Variants in MFGE8 observed in about 807,000 individuals in gnomAD.
MFGE8 encodes the protein milk fat globule EGF and factor V/VIII domain containing.
MFGE8 carries 34 observed loss-of-function variants against 42.6 expected under a neutral mutation model. The ratio of observed to expected loss-of-function variants is 0.80; its 90% CI spans 0.61 to 1.06. MFGE8 has a LOEUF of 1.06. Among genes scored for constraint, MFGE8 ranks in the 50% least tolerant of loss-of-function variants. The pLI is 0.00. For synonymous variants in MFGE8, 230 were observed against 214.8 expected (o/e 1.07, Z -0.62); for missense variants, 510 against 516.9 (o/e 0.99, Z 0.13).
At chr15:88,909,975 C>A (rs1898884024) in intron 1 of MFGE8, 52 bp from the exon 2 acceptor site, 10 of 1,611,348 alleles carry the variant, frequency 6.2e-6, no homozygotes, top group Non-Finnish European at 8.5e-6. Context: ...GAGCTGGGGA[C>A]ACAGGTGAGA....
rs1413384935 is a variant in MFGE8 at position 88,902,794 on chromosome 15, C to G, written c.686-1059G>C. ...GGAAGAATCCTCACTCCACAAGTGTCTATCCCTCTGGGGAATTGAGGGAGG... is the reference window on the plus strand; with the variant it reads ...GGAAGAATCCTCACTCCACAAGTGTGTATCCCTCTGGGGAATTGAGGGAGG... On this transcript the variant is annotated intron_variant, in intron 5 of 7. Transcript: ENST00000268150. The surrounding 1 kb of genome is among the most constrained non-coding windows in gnomAD (Gnocchi z 4.3). 1 of 152,250 alleles carries G rather than the reference C, an allele frequency of 6.6e-6. No individual in the cohort carries two copies. Among genetic ancestry groups the G allele is most frequent in the Admixed American group, 6.5e-5 (1 of 15,282 alleles). 9.4% of individuals were successfully genotyped at this position (152,250 alleles called of 1,614,324 possible).
intron 5 of MFGE8, 159 bp from the exon 6 acceptor site, chr15:88,901,894 G>A (rs145017924): frequency 2.8e-6 from 2 of 721,028 alleles, no homozygotes; most frequent in East Asian, 2.7e-5. Context: ...AGGGCCAACT[G>A]TGCGACCTTC....
chr15:88,909,831 T>C lies in MFGE8; in HGVS notation c.166A>G (p.Thr56Ala), dbSNP rs758960666. 1.7e-5 allele frequency: 27 copies of C among 1,614,112 alleles called. No homozygotes were observed. Among genetic ancestry groups the C allele is most frequent in the Admixed American group, 3.3e-5 (2 of 60,012 alleles). ...TTGCCCGCGTAGCCCTTAAGGCACG[T>C]GCAGGTGTACGAGGGGAAGACATCT... ...RGDVFPSYTC[T>A]CLKGYAGNHC... The change falls in exon 2 of 8, where the codon ACG becomes GCG. Residue 56 changes from threonine to alanine, a missense_variant. Thr to Ala is a moderately conservative substitution (Grantham distance 58, BLOSUM62 0). Coordinates refer to ENST00000268150, the MANE Select transcript of MFGE8 (RefSeq NM_005928.4).
Position 88,907,358 on chromosome 15 carries a change from C to A in MFGE8, c.224G>T (p.Gly75Val). The change falls in exon 3 of 8, where the codon GGC (glycine) becomes GTC (valine). Residue 75 changes from glycine to valine, a missense_variant. By Grantham distance (109) the Gly-to-Val change is moderately radical. Coordinates refer to ENST00000268150, the MANE Select transcript of MFGE8 (RefSeq NM_005928.4). ...GTTGGCAATGTTCCCATTCTCCAGG[C>A]CCAGTGGCTCGACACATTCTGAGGG... ...HCETKCVEPLGLENGNIANSQ... is the reference protein window; with the variant it reads ...HCETKCVEPLVLENGNIANSQ... 1 of 1,614,152 alleles carries A rather than the reference C, an allele frequency of 6.2e-7. No individual in the cohort carries two copies. The highest frequency in any genetic ancestry group is 1.1e-5 in the South Asian group (1 of 91,076).
In MFGE8 at chr15:88,901,604, C is replaced by G. The variant is rs141275837; in HGVS notation, c.817G>C (p.Gly273Arg). 6 of 1,613,808 alleles carry G rather than the reference C, an allele frequency of 3.7e-6. No homozygotes were observed. In the African/African-American group the frequency reaches 8.0e-5, roughly 22 times the overall value. Residue 273 changes from glycine to arginine, a missense_variant, in exon 6 of 8, where the codon GGC (glycine) becomes CGC (arginine). Physicochemically the swap from Gly to Arg is moderately radical, Grantham distance 125. Coordinates refer to ENST00000268150, the MANE Select transcript of MFGE8 (RefSeq NM_005928.4). ...CCCGCAACCCAGGCGTTGAAGTTGC[C>G]CTGCTTGTCCAGCCGTGCATAGGAG... is the stretch of plus-strand genomic sequence containing the variant. ...NPSYARLDKQ[G>R]NFNAWVAGSY...
At chr15:88,910,991 G>A (rs1446089747) in intron 1 of MFGE8, 2 of 152,222 alleles carry the variant, frequency 1.3e-5, no homozygotes, top group Non-Finnish European at 2.9e-5. Context: ...ATTGCGGGAT[G>A]AAGAAGGCTG....
chr15:88,913,312 C>T lies in MFGE8; in HGVS notation c.8G>A (p.Arg3His), dbSNP rs1389779045. MP[R>H]PRLLAALCGA... ...GCACAGCGCGGCCAGCAGGCGGGGG[C>T]GCGGCATGCTGCGGGGACGCGGGCG... Residue 3 changes from arginine to histidine, a missense_variant, in exon 1 of 8, where the codon CGC becomes CAC. By Grantham distance (29) the Arg-to-His change is conservative. Coordinates refer to ENST00000268150, the MANE Select transcript of MFGE8 (RefSeq NM_005928.4). 4.1e-6 allele frequency: 6 copies of T among 1,455,424 alleles called. No homozygotes were observed. The highest frequency in any genetic ancestry group is 1.5e-5 in the African/African-American group (1 of 67,480). 90.2% of individuals were successfully genotyped at this position (1,455,424 alleles called of 1,614,324 possible). A position where few individuals can be genotyped will look rare whatever the true frequency, so the allele number is the denominator to read the frequency against.
intron 1 of MFGE8, 127 bp from the exon 2 acceptor site, chr15:88,910,050 CCT>C (rs1898887371): frequency 8.3e-7 from 1 of 1,210,364 alleles, no homozygotes; most frequent in African/African-American, 1.5e-5. Context: ...TCTTCCTCTC[CCT>C]CTTCCCCCGT....
At chr15:88,913,116 C>T in intron 1 of MFGE8, 131 bp downstream of exon 1, 1 of 1,332,436 alleles carries the variant, frequency 7.5e-7, no homozygotes, top group Non-Finnish European at 9.6e-7. Context: ...GAAGCCGCCC[C>T]TCTGCCCAGC....
At position 88,899,694 on chromosome 15, in the gene MFGE8, A is replaced by G. The variant is rs772115781; in HGVS notation, c.988T>C (p.Trp330Arg). 5 of 1,614,230 alleles carry G rather than the reference A, an allele frequency of 3.1e-6. No homozygotes were observed. The highest frequency in any genetic ancestry group is 2.2e-5 in the South Asian group (2 of 91,088). ...GTCCTGGGGTCCTGGTACTCAGTCC[A>G]GTTCGCACTGTCATTACTGTAGGCA... ...KVAYSNDSAN[W>R]TEYQDPRTGS... is the part of the protein sequence containing the mutation. Residue 330 changes from tryptophan (W) to arginine (R), a missense_variant, in exon 7 of 8, where the codon TGG becomes CGG. Physicochemically the swap from Trp to Arg is moderately radical, Grantham distance 101. Coordinates refer to ENST00000268150, the MANE Select transcript of MFGE8 (RefSeq NM_005928.4). This position sits in a 1 kb window ranked among gnomAD's most constrained non-coding sequence, Gnocchi z 6.8.
At chr15:88,912,902 GTT>G in intron 1 of MFGE8, 1 of 985,264 alleles carries the variant, frequency 1.0e-6, no homozygotes, top group Non-Finnish European at 1.2e-6. Flanking sequence ...GGTGGAAGGG[GTT>G]CGAAAGTCAA....
rs1204868994 is a variant in MFGE8, at chr15:88,906,925, C to T, written c.388-147G>A. ...GGGGTAGCTGAGCACACTGCCCGCACAAAGGGCTTTCTTCTTCTGCCCAGG... is the reference window on the plus strand; with the variant it reads ...GGGGTAGCTGAGCACACTGCCCGCATAAAGGGCTTTCTTCTTCTGCCCAGG... On this transcript the variant is annotated intron_variant, in intron 3 of 7. Transcript: ENST00000268150. The surrounding 1 kb of genome is among the most constrained non-coding windows in gnomAD (Gnocchi z 4.2). 4.6e-6 allele frequency: 5 copies of T among 1,083,220 alleles called. No homozygotes were observed. The highest frequency in any genetic ancestry group is 1.6e-5 in the African/African-American group (1 of 63,094). 67.1% of individuals were successfully genotyped at this position (1,083,220 alleles called of 1,614,324 possible). A position where few individuals can be genotyped will look rare whatever the true frequency, so the allele number is the denominator to read the frequency against.
intron 6 of MFGE8, among the ~76,000 whole-genome samples, chr15:88,901,030 CACAT>C (rs1325689805): frequency 3.3e-5 from 5 of 151,558 alleles, no homozygotes; most frequent in East Asian, 2.0e-4. Context: ...TTCTCACACA[CACAT>C]ATTCACACAC....
At chr15:88,907,077 C>T in intron 3 of MFGE8, 118 bp downstream of exon 3, 1 of 1,301,830 alleles carries the variant, frequency 7.7e-7, no homozygotes, top group Non-Finnish European at 1.1e-6. Flanking sequence ...TCCATGGGAA[C>T]CTGTTACCTT....
chr15:88,910,154 G>A, intron 1 of MFGE8: 1 of 487,468 alleles, frequency 2.1e-6, no homozygotes, highest in South Asian at 2.0e-5. Flanking sequence ...CTTTCCAAGT[G>A]GCCTGGGAGT....
Position 88,899,189 on chromosome 15 carries a change from T to G in MFGE8, c.*206A>C. 1 of 652,140 alleles carries G rather than the reference T, an allele frequency of 1.5e-6. No individual in the cohort carries two copies. The highest frequency in any genetic ancestry group is 2.6e-6 in the Non-Finnish European group (1 of 382,126). The allele number at this position is 652,140 out of a possible 1,614,324, so 40.4% of individuals were successfully genotyped here. The stretch of plus-strand genomic sequence containing the variant: ...AAACAGGACAGTGAGGACTGGGGGT[T>G]AGGGGACGGGGCTTAGGGGCTGGGG... On this transcript the variant is annotated 3_prime_UTR_variant, in exon 8 of 8. Coordinates refer to ENST00000268150, the MANE Select transcript of MFGE8 (RefSeq NM_005928.4). This position sits in a 1 kb window ranked among gnomAD's most constrained non-coding sequence, Gnocchi z 6.8.
chr15:88,913,218 A>G, intron 1 of MFGE8, 29 bp downstream of exon 1: 2 of 1,491,796 alleles, frequency 1.3e-6, no homozygotes, highest in Non-Finnish European at 1.8e-6. Flanking sequence ...AGGAGGGGCG[A>G]GGGGCAGAGG....
At position 88,909,778 on chromosome 15, in the gene MFGE8, C is replaced by T; in HGVS notation, c.205+14G>A. ...ACTGCTAGAAACAGGCAACAAGCAC[C>T]CCCACATACTCACTCGTCTCACAGT... On this transcript the variant is annotated intron_variant, in intron 2 of 7. Coordinates refer to ENST00000268150, the MANE Select transcript of MFGE8 (RefSeq NM_005928.4). The T allele has an allele frequency of 6.2e-7, 1 of 1,613,810 alleles. No homozygotes were observed. Among genetic ancestry groups the T allele is most frequent in the Non-Finnish European group, 8.5e-7 (1 of 1,179,866 alleles).
chr15:88,913,007 G>A, intron 1 of MFGE8: 2 of 985,352 alleles, frequency 2.0e-6, no homozygotes, highest in Non-Finnish European at 2.4e-6. Context: ...ATCCCTGGGG[G>A]CGGCAGGGCT....
Sources: gnomAD v4.1 joint callset for allele counts (sites outside exome capture counted in the v4.1 genomes callset) on GRCh38, gnomAD v4.1.1 for gene constraint, Gnocchi (gnomAD v3.1) non-coding constraint, MANE v1.5 for transcripts, NCBI Gene and HGNC (gene_info 2026-07-23, HGNC 2026-07-21) for gene names.